The following CALN1 variants were observed in gnomAD, a reference collection of about 807,000 sequenced individuals.
CALN1 encodes calcium-binding protein 8.
Under a neutral mutation model 30.6 loss-of-function variants are expected in CALN1, and 17 were observed. That is an observed-to-expected ratio of 0.56 (90% confidence interval 0.38 to 0.83). The LOEUF (loss-of-function observed/expected upper bound fraction) is 0.83, where lower values mean the gene tolerates loss of function less well. Ranked by LOEUF, CALN1 falls within the 40% of genes least tolerant of loss-of-function variation. CALN1 has a pLI of 0.00. For missense variants in CALN1, 291 were observed against 354.9 expected, an observed-to-expected ratio of 0.82 and a Z score of 1.45; for synonymous variants, 156 against 131.4, an observed-to-expected ratio of 1.19 and a Z score of -1.28.
chr7:71,806,850 C>G (rs950309262), intron 6 of CALN1, among the ~76,000 whole-genome samples: 2 of 152,196 alleles, frequency 1.3e-5, no homozygotes, highest in Non-Finnish European at 2.9e-5. Flanking sequence ...CTCAACACTC[C>G]TCAGGGAATG....
chr7:72,345,088 A>G (rs2129558989), intron 2 of CALN1, among the ~76,000 whole-genome samples: 1 of 148,782 alleles, frequency 6.7e-6, no homozygotes, highest in South Asian at 2.1e-4. Flanking sequence ...GTATAATTAT[A>G]CATGTTATAT....
At chr7:72,103,583 G>C (rs1270550818) in intron 4 of CALN1, among the ~76,000 whole-genome samples, 1 of 152,196 alleles carries the variant, frequency 6.6e-6, no homozygotes, top group African/African-American at 2.4e-5. Flanking sequence ...GGATTGTTGA[G>C]CCAAATGGGG....
chr7:72,081,286 A>C (rs1341568347), intron 4 of CALN1, among the ~76,000 whole-genome samples: 2 of 152,164 alleles, frequency 1.3e-5, no homozygotes, highest in Non-Finnish European at 2.9e-5. Context: ...ATGAACTGTG[A>C]AAGACAAGCC....
chr7:72,342,829 A>G (rs1802444148), intron 2 of CALN1, among the ~76,000 whole-genome samples: 1 of 152,046 alleles, frequency 6.6e-6, no homozygotes, highest in Non-Finnish European at 1.5e-5. Flanking sequence ...GATTCATTGC[A>G]CTCTGAATAG....
intron 5 of CALN1, among the ~76,000 whole-genome samples, chr7:71,958,168 A>G (rs1292435757): frequency 6.6e-6 from 1 of 152,094 alleles, no homozygotes; most frequent in East Asian, 1.9e-4. Flanking sequence ...ATCATGGTGA[A>G]GTCTGAGATT....
At chr7:72,006,668 G>T (rs1013823517) in intron 5 of CALN1, among the ~76,000 whole-genome samples, 1 of 151,808 alleles carries the variant, frequency 6.6e-6, no homozygotes, top group African/African-American at 2.4e-5. Flanking sequence ...TAGAAAAGGA[G>T]GATTCAAGAA....
intron 5 of CALN1, among the ~76,000 whole-genome samples, chr7:71,829,555 T>C (rs1328673471): frequency 1.3e-5 from 2 of 152,232 alleles, no homozygotes; most frequent in Non-Finnish European, 2.9e-5. Flanking sequence ...TGCCAAGAGC[T>C]CACTCTGTCT....
intron 3 of CALN1, among the ~76,000 whole-genome samples, chr7:72,133,799 T>A (rs1303482804): frequency 6.6e-6 from 1 of 152,188 alleles, no homozygotes; most frequent in Non-Finnish European, 1.5e-5. Flanking sequence ...TTCTGTGATA[T>A]TTCTGCAAAA....
intron 3 of CALN1, among the ~76,000 whole-genome samples, chr7:72,277,482 G>A (rs1797411152): frequency 6.6e-6 from 1 of 152,164 alleles, no homozygotes; most frequent in African/African-American, 2.4e-5. Context: ...GCTATCCCTA[G>A]GAATCTTGAT....
At chr7:72,178,809 T>C (rs958678299) in intron 3 of CALN1, among the ~76,000 whole-genome samples, 1 of 149,424 alleles carries the variant, frequency 6.7e-6, no homozygotes, top group Non-Finnish European at 1.5e-5. Flanking sequence ...AAATGTCATT[T>C]TGTCAGATTT....
At chr7:72,496,103 T>A in the CALN1 span, among the ~76,000 whole-genome samples, 1 of 152,108 alleles carries the variant, frequency 6.6e-6, no homozygotes, top group African/African-American at 2.4e-5. Context: ...TGTATTTTTA[T>A]TAGAAACGGG....
intron 4 of CALN1, among the ~76,000 whole-genome samples, chr7:72,067,362 C>T (rs1563027397): frequency 6.6e-6 from 1 of 152,140 alleles, no homozygotes; most frequent in Non-Finnish European, 1.5e-5. Flanking sequence ...CTGCATCAGC[C>T]TCCAGAGCAA....
In CALN1 at chr7:72,203,979, C is replaced by CTTTTT. The variant is rs869149598; in HGVS notation, c.244+74702_244+74706dup. 4.5e-3 allele frequency among the ~76,000 whole-genome samples: 381 copies of CTTTTT among 83,738 alleles called. 64 individuals are homozygous for CTTTTT. The highest frequency in any genetic ancestry group is 0.011 in the African/African-American group (204 of 19,088). The allele number at this position is 83,738 out of a possible 152,430, so 54.9% of individuals were successfully genotyped here. A position where few individuals can be genotyped will look rare whatever the true frequency, so the allele number is the denominator to read the frequency against. ...TAGCCTTCATATAAGAGGCCTCTCT[C>CTTTTT]TTTTTTTTTTTTTTTTTTTTTTTTT... On this transcript the variant is annotated intron_variant, in intron 3 of 6. Transcript: ENST00000395275.
intron 3 of CALN1, among the ~76,000 whole-genome samples, chr7:72,278,072 G>T (rs1177795170): frequency 6.7e-6 from 1 of 148,688 alleles, no homozygotes; most frequent in Non-Finnish European, 1.5e-5. Flanking sequence ...GATACAATGA[G>T]ACACAGTCCT....
chr7:72,080,936 C>G (rs144900808), intron 4 of CALN1, among the ~76,000 whole-genome samples: 1 of 152,240 alleles, frequency 6.6e-6, no homozygotes, highest in East Asian at 1.9e-4. Flanking sequence ...TGTTGCTGGT[C>G]TAGTATCCGG....
chr7:71,860,295 C>A (rs1295639352), intron 5 of CALN1, among the ~76,000 whole-genome samples: 1 of 151,616 alleles, frequency 6.6e-6, no homozygotes. Flanking sequence ...TGGGCTCAAG[C>A]GATTCTCCTG....
chr7:72,124,662 T>A (rs923405648), intron 3 of CALN1, among the ~76,000 whole-genome samples: 2 of 148,882 alleles, frequency 1.3e-5, no homozygotes, highest in Non-Finnish European at 3.0e-5. Context: ...TAAATAGTAA[T>A]AATAATATAA....
At chr7:71,972,748 T>C (rs970399264) in intron 5 of CALN1, among the ~76,000 whole-genome samples, 8 of 152,160 alleles carry the variant, frequency 5.3e-5, no homozygotes, top group Non-Finnish European at 8.8e-5. Flanking sequence ...TGCTTGGCAG[T>C]GATTGATGGG....
chr7:72,357,509 C>T (rs921797085), intron 2 of CALN1, among the ~76,000 whole-genome samples: 7 of 151,866 alleles, frequency 4.6e-5, no homozygotes, highest in Admixed American at 2.0e-4. Context: ...ACCCCCAACC[C>T]ATCCCTAATC....
Sources: allele counts gnomAD v4.1 joint callset (sites outside exome capture counted in the v4.1 genomes callset), GRCh38; gene constraint gnomAD v4.1.1; transcripts MANE v1.5; gene names NCBI Gene and HGNC (gene_info 2026-07-23, HGNC 2026-07-21).